Variants in PAPPA2 observed in about 807,000 individuals in gnomAD.
PAPPA2 encodes the protein pappalysin 2.
PAPPA2 carries 86 observed loss-of-function variants against 176.4 expected under a neutral mutation model. That is an observed-to-expected ratio of 0.49 (90% CI 0.41 to 0.58). PAPPA2 has a LOEUF of 0.58. PAPPA2 is among the 20% of genes least tolerant of loss of function. The pLI, the probability that PAPPA2 is intolerant of heterozygous loss-of-function variation, is 0.00. For synonymous variants in PAPPA2, 809 were observed against 852.2 expected, an observed-to-expected ratio of 0.95 and a Z score of 0.88; for missense variants, 2,073 against 2,256.9, an observed-to-expected ratio of 0.92 and a Z score of 1.65.
chr1:176,818,026 G>A (rs1666476597), intron 21 of PAPPA2, among the ~76,000 whole-genome samples: 1 of 152,098 alleles, frequency 6.6e-6, no homozygotes, highest in Non-Finnish European at 1.5e-5. Flanking sequence ...GAGGAAGAAT[G>A]ACTAGAGAGG....
intron 17 of PAPPA2, among the ~76,000 whole-genome samples, chr1:176,787,095 G>A (rs1557871155): frequency 2.0e-5 from 3 of 152,122 alleles, no homozygotes; most frequent in African/African-American, 7.2e-5. Flanking sequence ...GAAAAAAAAA[G>A]TGCTGTTTGG....
intron 3 of PAPPA2, among the ~76,000 whole-genome samples, chr1:176,667,218 C>G (rs1658711183): frequency 6.6e-6 from 1 of 150,434 alleles, no homozygotes; most frequent in East Asian, 2.0e-4. Flanking sequence ...TGAACTCCAG[C>G]TTGGGCCACA....
chr1:176,735,342 C>A (rs1247234663), intron 12 of PAPPA2, among the ~76,000 whole-genome samples: 1 of 152,022 alleles, frequency 6.6e-6, no homozygotes, highest in South Asian at 2.1e-4. Context: ...TGAAAAGGCA[C>A]AGAAGAAAAC....
At chr1:176,604,319 G>A (rs907341159) in intron 3 of PAPPA2, among the ~76,000 whole-genome samples, 14 of 151,996 alleles carry the variant, frequency 9.2e-5, no homozygotes, top group African/African-American at 3.4e-4. Flanking sequence ...TTCTCCACTA[G>A]AAAGTAAATT....
At chr1:176,536,791 T>A (rs1346208496) in intron 1 of PAPPA2, among the ~76,000 whole-genome samples, 1 of 152,168 alleles carries the variant, frequency 6.6e-6, no homozygotes, top group Non-Finnish European at 1.5e-5. Flanking sequence ...TGGGAGGGCA[T>A]AGCAAAGTCC....
chr1:176,738,913 GT>G (rs1662541600), intron 12 of PAPPA2, among the ~76,000 whole-genome samples: 1 of 151,710 alleles, frequency 6.6e-6, no homozygotes, highest in Non-Finnish European at 1.5e-5. Flanking sequence ...CTGTTTTAGT[GT>G]TAATCACCCT....
chr1:176,476,033 A>G (rs751496949), intron 1 of PAPPA2, among the ~76,000 whole-genome samples: 13 of 145,530 alleles, frequency 8.9e-5, no homozygotes, highest in Non-Finnish European at 1.8e-4. Flanking sequence ...CTGTGACTTT[A>G]AAAGGTTTTT....
At chr1:176,559,917 C>T (rs1206931508) in intron 2 of PAPPA2, among the ~76,000 whole-genome samples, 2 of 152,234 alleles carry the variant, frequency 1.3e-5, no homozygotes, top group Non-Finnish European at 2.9e-5. Flanking sequence ...TCAAGCAATG[C>T]AGCCATAGCA....
intron 21 of PAPPA2, among the ~76,000 whole-genome samples, chr1:176,823,400 A>G (rs1208740109): frequency 2.0e-5 from 3 of 152,232 alleles, no homozygotes; most frequent in Admixed American, 2.0e-4. Context: ...TAAAAGGTAG[A>G]TCATTAGATC....
intron 3 of PAPPA2, among the ~76,000 whole-genome samples, chr1:176,641,702 A>G (rs903359226): frequency 1.3e-5 from 2 of 152,014 alleles, no homozygotes; most frequent in African/African-American, 2.4e-5. Context: ...TTCTTATAAT[A>G]AAGAAATGAG....
intron 1 of PAPPA2, among the ~76,000 whole-genome samples, chr1:176,507,031 A>G (rs927685091): frequency 1.3e-5 from 2 of 152,104 alleles, no homozygotes; most frequent in African/African-American, 4.8e-5. Context: ...GTATTTGCAA[A>G]CTATGCATCC....
chr1:176,498,421 G>A (rs1278377266), intron 1 of PAPPA2, among the ~76,000 whole-genome samples: 2 of 152,126 alleles, frequency 1.3e-5, no homozygotes, highest in Non-Finnish European at 2.9e-5. Flanking sequence ...TCTAACCAGA[G>A]CTTATAATTT....
intron 14 of PAPPA2, among the ~76,000 whole-genome samples, chr1:176,758,111 A>G (rs547862316): frequency 5.9e-5 from 9 of 152,308 alleles, no homozygotes; most frequent in African/African-American, 1.7e-4. Flanking sequence ...TGATAATTCA[A>G]CATTTTTCTA....
At chr1:176,625,636 C>T (rs1402186432) in intron 3 of PAPPA2, among the ~76,000 whole-genome samples, 1 of 152,186 alleles carries the variant, frequency 6.6e-6, no homozygotes, top group Non-Finnish European at 1.5e-5. Context: ...CCACTGGCAT[C>T]CCATACTGAA....
chr1:176,538,339 C>G (rs751624345), intron 1 of PAPPA2, among the ~76,000 whole-genome samples: 1 of 152,164 alleles, frequency 6.6e-6, no homozygotes, highest in Non-Finnish European at 1.5e-5. Flanking sequence ...TTCACAACCA[C>G]CAGTGTGGTC....
chr1:176,588,575 T>C (rs1362746813), intron 2 of PAPPA2, among the ~76,000 whole-genome samples: 1 of 152,208 alleles, frequency 6.6e-6, no homozygotes, highest in Non-Finnish European at 1.5e-5. Context: ...TCTAGTCAGT[T>C]TCTTCAGCTG....
rs200912733 is a variant in PAPPA2, at chr1:176,702,707, C to T, written c.3337C>T (p.Pro1113Ser). 145 of 1,601,716 alleles carry T rather than the reference C, an allele frequency of 9.1e-5. 4 individuals carry two copies. The highest frequency in any genetic ancestry group is 4.4e-4 in the African/African-American group (32 of 73,132). The change falls in exon 9 of 23, where the codon CCT becomes TCT. Residue 1113 changes from proline (P) to serine (S), a missense_variant. Physicochemically the swap from Pro to Ser is moderately conservative, Grantham distance 74. This residue lies in a region of PAPPA2 where 846 missense variants were observed against 857.9 expected (regional missense o/e 0.99). Coordinates refer to ENST00000367662, the MANE Select transcript of PAPPA2 (RefSeq NM_020318.3). ...SPPLNHIHGA[P>S]YCGDGKVSER... ...TCCTCTGAACCACATTCATGGAGCT[C>T]CTTATTGTGGAGATGGGAAGGTGTC...
At chr1:176,840,079 A>G in intron 21 of PAPPA2, 94 bp from the exon 22 acceptor site, 1 of 987,236 alleles carries the variant, frequency 1.0e-6, no homozygotes, top group East Asian at 2.4e-5. Flanking sequence ...ATATCTCTGG[A>G]GCTGTATGGA....
chr1:176,534,091 A>G (rs1307846691), intron 1 of PAPPA2, among the ~76,000 whole-genome samples: 1 of 151,872 alleles, frequency 6.6e-6, no homozygotes, highest in African/African-American at 2.4e-5. Context: ...CTTCTAAAAT[A>G]TGGCTAATAG....
Sources: gnomAD v4.1 joint callset for allele counts (sites outside exome capture counted in the v4.1 genomes callset) on GRCh38, gnomAD v4.1.1 for gene constraint, gnomAD v4.1.1 regional missense constraint, MANE v1.5 for transcripts, NCBI Gene and HGNC (gene_info 2026-07-23, HGNC 2026-07-21) for gene names.